PCDH15: variants seen among roughly 807,000 people sequenced by gnomAD.
The protein encoded by PCDH15 is protocadherin-15.
A neutral mutation model predicts 178.5 loss-of-function variants in PCDH15; 129 were observed. The ratio of observed to expected loss-of-function variants is 0.72; its 90% CI spans 0.63 to 0.84. The LOEUF (loss-of-function observed/expected upper bound fraction) is 0.84. Ranked by LOEUF, PCDH15 falls within the 40% of genes least tolerant of loss-of-function variation. The pLI, the probability that PCDH15 is intolerant of heterozygous loss-of-function variation, is 0.00. For missense variants in PCDH15, 2,230 were observed against 2,099.9 expected (o/e 1.06, Z -1.21); for synonymous variants, 800 against 732.0 (o/e 1.09, Z -1.50).
rs912439897 is a variant in PCDH15 at position 53,821,803 on chromosome 10, A to G, written c.4368-1573T>C. 1.3e-5 allele frequency: 21 copies of G among 1,605,372 alleles called. No homozygotes were observed. The African/African-American group carries it at 2.5e-4, about 19-fold the overall frequency. ...CTTTGACGTTCAAATTTGATGTTCA[A>G]CTTGAAGACTATGATCAACAAGAGG... On this transcript the variant is annotated intron_variant, in intron 32 of 37. Transcript: ENST00000644397.
intron 8 of PCDH15, among the ~76,000 whole-genome samples, chr10:54,245,765 C>T (rs73252362): frequency 0.026 from 3,922 of 151,846 alleles, 178 homozygotes; most frequent in African/African-American, 0.089. Flanking sequence ...AAATCTATCA[C>T]TAGGTTTGAC....
At chr10:54,016,864 G>A (rs1308588650) in intron 20 of PCDH15, among the ~76,000 whole-genome samples, 1 of 152,056 alleles carries the variant, frequency 6.6e-6, no homozygotes, top group Non-Finnish European at 1.5e-5. Context: ...AACCACACAT[G>A]TATCTATGAA....
intron 1 of PCDH15, among the ~76,000 whole-genome samples, chr10:55,172,508 C>G (rs1297757269): frequency 6.6e-6 from 1 of 151,814 alleles, no homozygotes; most frequent in East Asian, 1.9e-4. Flanking sequence ...ACAAGATGTG[C>G]AATGAATGGC....
chr10:54,993,313 C>A (rs1366747902), intron 2 of PCDH15, among the ~76,000 whole-genome samples: 1 of 152,162 alleles, frequency 6.6e-6, no homozygotes, highest in Non-Finnish European at 1.5e-5. Context: ...GAACTGAAAG[C>A]TTCTGAGGTT....
At chr10:55,159,797 GATATA>G (rs535708980) in intron 2 of PCDH15, among the ~76,000 whole-genome samples, 13 of 147,622 alleles carry the variant, frequency 8.8e-5, no homozygotes, top group African/African-American at 2.2e-4. Context: ...TATATATAAA[GATATA>G]ATATATATAA....
At chr10:54,702,524 T>C (rs1272414760) in intron 1 of PCDH15, among the ~76,000 whole-genome samples, 1 of 131,886 alleles carries the variant, frequency 7.6e-6, no homozygotes, top group Non-Finnish European at 1.6e-5. Flanking sequence ...GGGACATTAC[T>C]TCCAATTCCA....
chr10:54,196,609 G>C (rs2049693776), intron 10 of PCDH15, among the ~76,000 whole-genome samples: 1 of 152,160 alleles, frequency 6.6e-6, no homozygotes, highest in Non-Finnish European at 1.5e-5. Flanking sequence ...TGTCTCTTCT[G>C]TGTCTTCTCA....
intron 18 of PCDH15, among the ~76,000 whole-genome samples, chr10:54,040,743 A>G (rs1257049233): frequency 6.6e-6 from 1 of 152,026 alleles, no homozygotes; most frequent in East Asian, 1.9e-4. Flanking sequence ...CATGATGAAA[A>G]AACATTACCA....
intron 9 of PCDH15, among the ~76,000 whole-genome samples, chr10:54,233,572 T>C (rs2054299007): frequency 6.6e-6 from 1 of 152,214 alleles, no homozygotes; most frequent in Non-Finnish European, 1.5e-5. Context: ...AAGAACATTC[T>C]AGGTGCACTT....
At chr10:55,423,042 C>A (rs1358870812) in intron 2 of PCDH15, among the ~76,000 whole-genome samples, 1 of 151,782 alleles carries the variant, frequency 6.6e-6, no homozygotes, top group Non-Finnish European at 1.5e-5. Flanking sequence ...TAGAAGTTAT[C>A]ATGTATCTTA....
intron 2 of PCDH15, among the ~76,000 whole-genome samples, chr10:55,150,011 G>C (rs1332861767): frequency 6.7e-6 from 1 of 149,528 alleles, no homozygotes; most frequent in Non-Finnish European, 1.5e-5. Context: ...GAGACAGCGA[G>C]AGTGAGCAGA....
At chr10:54,097,356 G>A (rs1165640308) in intron 15 of PCDH15, among the ~76,000 whole-genome samples, 1 of 152,136 alleles carries the variant, frequency 6.6e-6, no homozygotes, top group Non-Finnish European at 1.5e-5. Flanking sequence ...CATATCAGGT[G>A]TGTCTAAACT....
At chr10:54,697,717 GAGGAAGGAAGTA>G (rs1355936004) in intron 1 of PCDH15, among the ~76,000 whole-genome samples, 2 of 148,236 alleles carry the variant, frequency 1.3e-5, no homozygotes, top group East Asian at 4.0e-4. Context: ...GGGAGGAAGG[GAGGAAGGAAGTA>G]AGGAAGAGGC....
At chr10:54,675,020 T>G (rs2135552636) in intron 1 of PCDH15, among the ~76,000 whole-genome samples, 1 of 152,206 alleles carries the variant, frequency 6.6e-6, no homozygotes, top group African/African-American at 2.4e-5. Context: ...AATTTTATAG[T>G]GTATCCTGGC....
At chr10:55,124,367 C>G (rs1354451357) in intron 2 of PCDH15, among the ~76,000 whole-genome samples, 1 of 152,012 alleles carries the variant, frequency 6.6e-6, no homozygotes, top group African/African-American at 2.4e-5. Flanking sequence ...TCTAATGATC[C>G]ATAAAGTAAA....
intron 15 of PCDH15, among the ~76,000 whole-genome samples, chr10:54,107,669 A>G (rs2094941286): frequency 6.6e-6 from 1 of 152,196 alleles, no homozygotes; most frequent in Non-Finnish European, 1.5e-5. Context: ...GGGGGACAGC[A>G]GCAGTGTAAT....
intron 15 of PCDH15, among the ~76,000 whole-genome samples, chr10:54,115,184 A>AT (rs2132761788): frequency 6.6e-6 from 1 of 152,274 alleles, no homozygotes; most frequent in South Asian, 2.1e-4. Context: ...TTATTGATTC[A>AT]TTGGTGACAA....
At chr10:55,397,932 G>A (rs753598577) in intron 2 of PCDH15, among the ~76,000 whole-genome samples, 14 of 152,088 alleles carry the variant, frequency 9.2e-5, no homozygotes, top group Non-Finnish European at 1.8e-4. Context: ...TGACTGACGT[G>A]AGGATGAATG....
chr10:55,193,316 C>T (rs972124193), intron 1 of PCDH15, among the ~76,000 whole-genome samples: 15 of 151,774 alleles, frequency 9.9e-5, no homozygotes, highest in African/African-American at 3.6e-4. Context: ...TGTTCATTTA[C>T]CTTGATTATA....
Sources: allele counts gnomAD v4.1 joint callset (sites outside exome capture counted in the v4.1 genomes callset), GRCh38; gene constraint gnomAD v4.1.1; transcripts MANE v1.5; gene names NCBI Gene and HGNC (gene_info 2026-07-23, HGNC 2026-07-21).